FAM167A: variants seen among roughly 807,000 people sequenced by gnomAD.
FAM167A encodes the protein family with sequence similarity 167 member A.
A neutral mutation model predicts 14.9 loss-of-function variants in FAM167A; 23 were observed. The ratio of observed to expected loss-of-function variants is 1.55; its 90% confidence interval spans 1.11 to 2.19. The LOEUF is 2.19. Ranked by LOEUF, FAM167A falls within the 30% of genes most tolerant of loss-of-function variation. FAM167A has a pLI of 0.00. For synonymous variants in FAM167A, 174 were observed against 117.7 expected, an observed-to-expected ratio of 1.48 and a Z score of -3.10; for missense variants, 401 against 281.5, an observed-to-expected ratio of 1.42 and a Z score of -3.04.
intron 2 of FAM167A, among the ~76,000 whole-genome samples, chr8:11,430,739 G>A (rs570549737): frequency 2.4e-4 from 36 of 152,234 alleles, no homozygotes; most frequent in African/African-American, 4.6e-4. Context: ...CAAGCTTTAC[G>A]TGGTGAGGGG....
At chr8:11,431,917 A>AAAAAAAAAGG (rs752330983) in intron 2 of FAM167A, among the ~76,000 whole-genome samples, 2 of 99,498 alleles carry the variant, frequency 2.0e-5, no homozygotes, top group Non-Finnish European at 4.0e-5. Context: ...AAAAAAAAAA[A>AAAAAAAAAGG]AAGGATTTTG....
Position 11,465,068 on chromosome 8 carries a change from C to A in FAM167A, c.-398+1558G>T, listed in dbSNP as rs77519825. 5.5e-3 allele frequency among the ~76,000 whole-genome samples: 834 copies of A among 152,238 alleles called. 11 individuals carry two copies. Among genetic ancestry groups the A allele is most frequent in the African/African-American group, 0.017 (709 of 41,530 alleles). On this transcript the variant is annotated intron_variant, in intron 1 of 2. Coordinates refer to ENST00000284486, the MANE Select transcript of FAM167A (RefSeq NM_053279.3). Reference sequence around the variant, plus strand: ...AGGAGAACAGGGTGTGGGGGAGCAACCCTTTCTTCTGCTTCAGGTGGGAAG... The same window carrying A: ...AGGAGAACAGGGTGTGGGGGAGCAAACCTTTCTTCTGCTTCAGGTGGGAAG...
At chr8:11,469,264 T>G (rs1289682738), upstream of FAM167A, among the ~76,000 whole-genome samples, 1 of 152,188 alleles carries the variant, frequency 6.6e-6, no homozygotes, top group Non-Finnish European at 1.5e-5. Context: ...AATGGAGGAT[T>G]TAAAATGTCT....
intron 2 of FAM167A, among the ~76,000 whole-genome samples, chr8:11,435,874 A>T (rs1805970598): frequency 6.6e-6 from 1 of 152,272 alleles, no homozygotes; most frequent in Non-Finnish European, 1.5e-5. Context: ...CACTTTGTAC[A>T]GGACATCGAG....
intron 2 of FAM167A, chr8:11,438,718 G>A: frequency 2.7e-6 from 1 of 365,526 alleles, no homozygotes; most frequent in East Asian, 7.2e-5. Flanking sequence ...GGCCGTATCT[G>A]CCCAGATGAA....
At chr8:11,439,766 C>T (rs1806316140) in intron 2 of FAM167A, among the ~76,000 whole-genome samples, 1 of 152,188 alleles carries the variant, frequency 6.6e-6, no homozygotes, top group Non-Finnish European at 1.5e-5. Context: ...GCATAAACCA[C>T]GTGGAAGACT....
In FAM167A at chr8:11,444,452, G is replaced by A; in HGVS notation, c.-41C>T. ...GGCAGCCGGACATGCGAGGGCACGG[G>A]GGGCGCAGGGGGAGGCTTGGTGGGT... On this transcript the variant is annotated 5_prime_UTR_variant, in exon 2 of 3. Transcript: ENST00000284486. The A allele has an allele frequency of 6.6e-7, 1 of 1,511,578 alleles. No individual in the cohort carries two copies. The allele number at this position is 1,511,578 out of a possible 1,614,324, so 93.6% of individuals were successfully genotyped here.
chr8:11,467,181 G>A (rs1807809045), upstream of FAM167A, among the ~76,000 whole-genome samples: 1 of 152,210 alleles, frequency 6.6e-6, no homozygotes, highest in Non-Finnish European at 1.5e-5. Flanking sequence ...CGCCTACCGT[G>A]GGCCACGCCC....
At position 11,444,690 on chromosome 8, in the gene FAM167A, C is replaced by G; in HGVS notation, c.-279G>C. ...CAGAAGGCAGGAACAGACAGCGTCG[C>G]AGGAATCTCGGGGCAGCCTGTGCCA... On this transcript the variant is annotated 5_prime_UTR_variant, in exon 2 of 3. Coordinates refer to ENST00000284486, the MANE Select transcript of FAM167A (RefSeq NM_053279.3). The G allele has an allele frequency of 4.1e-6, 5 of 1,221,362 alleles. No individual in the cohort carries two copies. The highest frequency in any genetic ancestry group is 5.1e-6 in the Non-Finnish European group (5 of 977,846). The allele number at this position is 1,221,362 out of a possible 1,614,324, so 75.7% of individuals were successfully genotyped here. A position where few individuals can be genotyped will look rare whatever the true frequency, so the allele number is the denominator to read the frequency against.
At chr8:11,451,030 G>A (rs746252089) in intron 1 of FAM167A, among the ~76,000 whole-genome samples, 2 of 152,240 alleles carry the variant, frequency 1.3e-5, no homozygotes, top group African/African-American at 2.4e-5. Context: ...TGCAGGATGA[G>A]GTCATTTCCA....
intron 2 of FAM167A, among the ~76,000 whole-genome samples, chr8:11,433,049 T>C (rs180684197): frequency 6.6e-6 from 1 of 152,190 alleles, no homozygotes; most frequent in Non-Finnish European, 1.5e-5. Context: ...GAACATCACA[T>C]ACCCGGGCCT....
intron 1 of FAM167A, among the ~76,000 whole-genome samples, chr8:11,447,355 G>C (rs189573959): frequency 6.6e-6 from 1 of 152,140 alleles, no homozygotes; most frequent in African/African-American, 2.4e-5. Flanking sequence ...CTAATTTTTT[G>C]TATTTTTAGT....
At chr8:11,430,403 G>A (rs1215704759) in intron 2 of FAM167A, among the ~76,000 whole-genome samples, 1 of 152,130 alleles carries the variant, frequency 6.6e-6, no homozygotes, top group Admixed American at 6.5e-5. Context: ...TTTTTTTGGG[G>A]GCAGACAAGA....
At chr8:11,471,962 T>G (rs1247712995), upstream of FAM167A, among the ~76,000 whole-genome samples, 1 of 152,264 alleles carries the variant, frequency 6.6e-6, no homozygotes, top group African/African-American at 2.4e-5. Flanking sequence ...CTCCCTTCTT[T>G]GTTCAAGGGT....
At chr8:11,447,183 C>CTTTTCTTTTTTTTTTTTT (rs146992974) in intron 1 of FAM167A, among the ~76,000 whole-genome samples, 3 of 147,012 alleles carry the variant, frequency 2.0e-5, no homozygotes, top group African/African-American at 2.5e-5. Flanking sequence ...GGTTTCTTTT[C>CTTTTCTTTTTTTTTTTTT]TTTTTCTTTT....
intron 2 of FAM167A, chr8:11,438,458 C>G (rs1173727684): frequency 2.2e-6 from 1 of 457,176 alleles, no homozygotes; most frequent in Non-Finnish European, 4.4e-6. Flanking sequence ...TACAGAAGTA[C>G]AAGGTGAAGA....
intron 2 of FAM167A, among the ~76,000 whole-genome samples, chr8:11,434,434 C>A (rs960921299): frequency 8.5e-5 from 13 of 152,112 alleles, no homozygotes; most frequent in African/African-American, 2.9e-4. Flanking sequence ...TCCATCTGAG[C>A]CAGGCCTCCA....
intron 2 of FAM167A, among the ~76,000 whole-genome samples, chr8:11,440,157 C>G (rs989106732): frequency 2.6e-5 from 4 of 152,338 alleles, no homozygotes; most frequent in Admixed American, 6.5e-5. Flanking sequence ...GAGCCAGTGT[C>G]CCAGGAGCAG....
At chr8:11,433,087 G>C (rs796110205) in intron 2 of FAM167A, among the ~76,000 whole-genome samples, 2 of 152,178 alleles carry the variant, frequency 1.3e-5, no homozygotes, top group African/African-American at 2.4e-5. Context: ...GATAACATTA[G>C]GAGAAATACC....
Sources: allele counts gnomAD v4.1 joint callset (sites outside exome capture counted in the v4.1 genomes callset), GRCh38; gene constraint gnomAD v4.1.1; transcripts MANE v1.5; gene names NCBI Gene and HGNC (gene_info 2026-07-23, HGNC 2026-07-21).